Variants in EDA observed in about 807,000 individuals in gnomAD.
The protein encoded by EDA is ectodysplasin A.
A neutral mutation model predicts 23.6 loss-of-function variants in EDA; 2 were observed. The ratio of observed to expected loss-of-function variants is 0.08; its 90% confidence interval spans 0.03 to 0.27. The LOEUF is 0.27. Ranked by LOEUF, EDA falls within the 10% of genes least tolerant of loss-of-function variation. The pLI is 1.00. For missense variants in EDA, 229 were observed against 324.2 expected, an observed-to-expected ratio of 0.71 and a Z score of 2.26; for synonymous variants, 131 against 132.0, an observed-to-expected ratio of 0.99 and a Z score of 0.05.
chrX:69,957,035 A>G lies in EDA; in HGVS notation c.405A>G (p.Leu135=), dbSNP rs1602564244. 8.3e-7 allele frequency: 1 copy of G among 1,210,290 alleles called. No individual in the cohort carries two copies. The highest frequency in any genetic ancestry group is 1.1e-6 in the Non-Finnish European group (1 of 894,356). Residue 135 remains leucine, a synonymous_variant, in exon 2 of 8, where the codon CTA becomes CTG. Coordinates refer to ENST00000374552, the MANE Select transcript of EDA (RefSeq NM_001399.5). ...ACTTGTAATTTTTACAGATGGCCCT[A>G]TTGAATTTCTTCTTCCCTGATGAAA... ...SDSQDGHQMA[L]LNFFFPDEKP... is the part of the protein sequence containing the mutation.
intron 1 of EDA, among the ~76,000 whole-genome samples, chrX:69,866,015 C>A (rs765895578): frequency 1.5e-4 from 17 of 112,174 alleles, no homozygotes; most frequent in Non-Finnish European, 1.9e-5. Flanking sequence ...CCCGTTTCTG[C>A]AGCTGGTCAT....
intron 2 of EDA, among the ~76,000 whole-genome samples, chrX:70,014,338 AC>A (rs1436800943): frequency 1.8e-5 from 2 of 112,876 alleles, no homozygotes; most frequent in Admixed American, 1.9e-4. Context: ...TTGCTAGCGT[AC>A]CCCCCGATAA....
chrX:69,826,142 G>A (rs1350085340), intron 1 of EDA, among the ~76,000 whole-genome samples: 14 of 111,519 alleles, frequency 1.3e-4, no homozygotes, highest in African/African-American at 4.6e-4. Context: ...TTTGGAATAG[G>A]TGTGATGTGG....
At chrX:69,727,559 C>T (rs1203250356) in intron 1 of EDA, among the ~76,000 whole-genome samples, 2 of 112,103 alleles carry the variant, frequency 1.8e-5, no homozygotes, top group Non-Finnish European at 3.8e-5. Flanking sequence ...AGGGCTCTGC[C>T]CTCATGACCT....
intron 1 of EDA, among the ~76,000 whole-genome samples, chrX:69,780,473 A>C (rs763636671): frequency 9.0e-6 from 1 of 111,565 alleles, no homozygotes; most frequent in African/African-American, 3.3e-5. Flanking sequence ...GGACATTTTC[A>C]TCACCATAAC....
intron 1 of EDA, among the ~76,000 whole-genome samples, chrX:69,658,212 TTGTGTG>T (rs3138864): frequency 0.021 from 1,894 of 90,851 alleles, 53 homozygotes; most frequent in African/African-American, 0.071. Context: ...TCCTAGGTAT[TTGTGTG>T]TGTGTGTGTG....
chrX:69,779,550 G>A (rs144951454), intron 1 of EDA, among the ~76,000 whole-genome samples: 2 of 111,260 alleles, frequency 1.8e-5, no homozygotes, highest in African/African-American at 3.3e-5. Context: ...TGACTGCTTC[G>A]TGGGTATGGA....
Position 70,023,344 on chromosome X carries a change from G to A in EDA, c.526+103G>A, listed in dbSNP as rs1426775289. The A allele has an allele frequency of 9.8e-6, 5 of 510,757 alleles. No individual in the cohort carries two copies. The East Asian group carries it at 1.1e-4, about 11-fold the overall frequency. 42.1% of individuals were successfully genotyped at this position (510,757 alleles called of 1,213,427 possible). ...TTTTGTATTATATTCTTTCAGCATT[G>A]TCTGTCTGTTATTTTATTCAATCAT... On this transcript the variant is annotated intron_variant, in intron 3 of 7. Coordinates refer to ENST00000374552, the MANE Select transcript of EDA (RefSeq NM_001399.5).
chrX:69,831,943 T>C (rs1001444573), intron 1 of EDA, among the ~76,000 whole-genome samples: 1 of 111,841 alleles, frequency 8.9e-6, no homozygotes, highest in African/African-American at 3.3e-5. Context: ...ATTAGCCCTT[T>C]GTCAGATGGG....
chrX:69,968,043 G>A (rs1336190586), intron 2 of EDA, among the ~76,000 whole-genome samples: 2 of 111,774 alleles, frequency 1.8e-5, no homozygotes, highest in Non-Finnish European at 3.8e-5. Flanking sequence ...TTATGTGGAA[G>A]ACACTGTGTT....
Position 69,866,092 on chromosome X carries a change from C to T in EDA, c.397-90935C>T, listed in dbSNP as rs1012397801. On this transcript the variant is annotated intron_variant, in intron 1 of 7. Coordinates refer to ENST00000374552, the MANE Select transcript of EDA (RefSeq NM_001399.5). Reference sequence around the variant, plus strand: ...CATTCTGTATTCTCTTTGCCTTCAGCGAGCACCTCAGCAGGTCATGGCTTT... The same window carrying T: ...CATTCTGTATTCTCTTTGCCTTCAGTGAGCACCTCAGCAGGTCATGGCTTT... Among the ~76,000 whole-genome samples the T allele has an allele frequency of 1.7e-4, 19 of 111,775 alleles. No homozygotes were observed. In the East Asian group the frequency reaches 3.1e-3, roughly 18 times the overall value.
chrX:69,929,685 A>G (rs2018568969), intron 1 of EDA, among the ~76,000 whole-genome samples: 1 of 102,733 alleles, frequency 9.7e-6, no homozygotes, highest in African/African-American at 3.6e-5. Flanking sequence ...TTAACAGAAA[A>G]CACTTCACTT....
chrX:69,670,424 A>C (rs1230469443), intron 1 of EDA: 4 of 290,959 alleles, frequency 1.4e-5, no homozygotes. Flanking sequence ...AGCTTTGTGA[A>C]TCTGGATGTT....
intron 7 of EDA, among the ~76,000 whole-genome samples, chrX:70,034,605 G>A (rs1255865040): frequency 8.9e-6 from 1 of 111,759 alleles, no homozygotes; most frequent in Non-Finnish European, 1.9e-5. Context: ...AATTTTCTGA[G>A]CCTAGGAGAG....
chrX:69,961,835 A>G (rs980364918), intron 2 of EDA, among the ~76,000 whole-genome samples: 85 of 112,321 alleles, frequency 7.6e-4, no homozygotes, highest in African/African-American at 2.6e-3. Flanking sequence ...TGATACCTTC[A>G]CTGTGGGTGT....
intron 5 of EDA, among the ~76,000 whole-genome samples, chrX:70,030,105 T>C (rs1263742617): frequency 9.0e-6 from 1 of 111,689 alleles, no homozygotes; most frequent in East Asian, 2.8e-4. Context: ...GCCACAGTGA[T>C]AAATCTACAC....
chrX:70,017,883 T>C (rs1392276600), intron 2 of EDA, among the ~76,000 whole-genome samples: 4 of 111,640 alleles, frequency 3.6e-5, no homozygotes, highest in Non-Finnish European at 7.5e-5. Flanking sequence ...ATAAAAGGCA[T>C]CCAAATAGGA....
chrX:69,791,026 A>G (rs1050211806), intron 1 of EDA, among the ~76,000 whole-genome samples: 7 of 111,797 alleles, frequency 6.3e-5, no homozygotes, highest in African/African-American at 1.6e-4. Context: ...GACAGGGAAG[A>G]TATGCCTCCT....
chrX:69,910,374 A>AGAGAGTGTGTGT (rs1191245556), intron 1 of EDA, among the ~76,000 whole-genome samples: 1 of 41,755 alleles, frequency 2.4e-5, no homozygotes, highest in African/African-American at 8.2e-5. Context: ...AGAGAGAGAG[A>AGAGAGTGTGTGT]GTGTGTGTGT....
Sources: allele counts gnomAD v4.1 joint callset (sites outside exome capture counted in the v4.1 genomes callset), GRCh38; gene constraint gnomAD v4.1.1; transcripts MANE v1.5; gene names NCBI Gene and HGNC (gene_info 2026-07-23, HGNC 2026-07-21).